The following SPIRE1 variants were observed in gnomAD, a reference collection of about 807,000 sequenced individuals.
SPIRE1 encodes the protein spire type actin nucleation factor 1.
Under a neutral mutation model 94.1 loss-of-function variants are expected in SPIRE1, and 40 were observed. That is an observed-to-expected ratio of 0.43 (90% CI 0.33 to 0.55). SPIRE1 has a LOEUF of 0.55. Ranked by LOEUF, SPIRE1 falls within the 20% of genes least tolerant of loss-of-function variation. The pLI is 0.06. For missense variants in SPIRE1, 838 were observed against 975.2 expected (o/e 0.86, Z 1.87); for synonymous variants, 376 against 371.7 (o/e 1.01, Z -0.13).
chr18:12,559,521 A>G lies in SPIRE1; in HGVS notation c.373-12617T>C, dbSNP rs1196163437. Among the ~76,000 whole-genome samples the G allele has an allele frequency of 6.6e-6, 1 of 152,194 alleles. No homozygotes were observed. The highest frequency in any genetic ancestry group is 1.5e-5 in the Non-Finnish European group (1 of 68,018). ...AGCCGGCTCCGGCTTTGGCCAGCCCAGAGAGGGGCTCCCACGGTGCAGCAG... is the reference window on the plus strand; with the variant it reads ...AGCCGGCTCCGGCTTTGGCCAGCCCGGAGAGGGGCTCCCACGGTGCAGCAG... On this transcript the variant is annotated intron_variant, in intron 2 of 16. Transcript: ENST00000409402. This position sits in a 1 kb window ranked among gnomAD's most constrained non-coding sequence, Gnocchi z 4.7.
intron 1 of SPIRE1, among the ~76,000 whole-genome samples, chr18:12,650,492 T>A (rs192557209): frequency 6.6e-6 from 1 of 151,892 alleles, no homozygotes; most frequent in African/African-American, 2.4e-5. Flanking sequence ...GGGTGGATCA[T>A]GAGGTCAGGA....
In SPIRE1 at chr18:12,452,271, G is replaced by A. The variant is rs774794185; in HGVS notation, c.1996C>T (p.Leu666Phe). The A allele has an allele frequency of 3.1e-6, 5 of 1,613,990 alleles. No homozygotes were observed. Among genetic ancestry groups the A allele is most frequent in the Non-Finnish European group, 4.2e-6 (5 of 1,179,992 alleles). ...CTTGCTCACCTGGCAATGCTCCGAAGTGGCCGATGATGGGCAGTGGAGGGT... is the reference window on the plus strand; with the variant it reads ...CTTGCTCACCTGGCAATGCTCCGAAATGGCCGATGATGGGCAGTGGAGGGT... ...EKPSTAHHRP[L>F]RSIARFSSKS... The change falls in exon 16 of 17, where the codon CTT becomes TTT. Residue 666 changes from leucine to phenylalanine, a missense_variant. Around this residue, in one of 2 missense-constraint regions of SPIRE1, gnomAD observed 645 missense variants for 804.7 expected, o/e 0.80. Transcript: ENST00000409402.
At chr18:12,549,851 T>C (rs723836) in intron 2 of SPIRE1, among the ~76,000 whole-genome samples, 81,268 of 151,718 alleles carry the variant, frequency 0.54, 23,018 homozygotes, top group Middle Eastern at 0.73. Flanking sequence ...ATTGCAAATA[T>C]CAACACCAGC....
intron 12 of SPIRE1, among the ~76,000 whole-genome samples, chr18:12,457,305 G>C (rs1568180901): frequency 2.6e-5 from 4 of 152,130 alleles, no homozygotes. Flanking sequence ...AAAAGAAAAT[G>C]ATAAATAGTT....
chr18:12,529,100 T>C (rs990410340), intron 4 of SPIRE1, among the ~76,000 whole-genome samples: 1 of 152,216 alleles, frequency 6.6e-6, no homozygotes, highest in Non-Finnish European at 1.5e-5. Flanking sequence ...CTGGGCACAG[T>C]GGCTCACGCC....
intron 10 of SPIRE1, among the ~76,000 whole-genome samples, chr18:12,466,341 A>ATCT (rs763014713): frequency 6.6e-6 from 1 of 151,892 alleles, no homozygotes; most frequent in Non-Finnish European, 1.5e-5. Flanking sequence ...CAGTGGCATG[A>ATCT]TCTCAGCTCA....
chr18:12,650,772 G>A (rs938559288), intron 1 of SPIRE1, among the ~76,000 whole-genome samples: 9 of 151,340 alleles, frequency 5.9e-5, no homozygotes, highest in South Asian at 2.1e-4. Flanking sequence ...CCAGCTACTC[G>A]GGAGGCTGAG....
At chr18:12,557,967 T>TCC (rs1212495237) in intron 2 of SPIRE1, among the ~76,000 whole-genome samples, 2 of 152,004 alleles carry the variant, frequency 1.3e-5, no homozygotes, top group African/African-American at 4.8e-5. Context: ...AAACTGGATA[T>TCC]CCACATGCAG....
chr18:12,579,846 C>T (rs1328620655), intron 2 of SPIRE1, among the ~76,000 whole-genome samples: 1 of 152,200 alleles, frequency 6.6e-6, no homozygotes, highest in East Asian at 1.9e-4. Flanking sequence ...TATCACTGTA[C>T]CTCACTCTAC....
chr18:12,642,583 T>G (rs919723632), intron 1 of SPIRE1, among the ~76,000 whole-genome samples: 1 of 152,238 alleles, frequency 6.6e-6, no homozygotes, highest in African/African-American at 2.4e-5. Context: ...AAGTTTCATC[T>G]CTAGTGCCAA....
chr18:12,535,228 T>G (rs1028073959), intron 4 of SPIRE1, among the ~76,000 whole-genome samples: 1 of 152,186 alleles, frequency 6.6e-6, no homozygotes, highest in African/African-American at 2.4e-5. Flanking sequence ...TTTATTTCCA[T>G]TTGCAAGGAA....
chr18:12,493,014 T>C (rs113703184), intron 8 of SPIRE1, 58 bp downstream of exon 8: 1 of 1,534,900 alleles, frequency 6.5e-7, no homozygotes, highest in East Asian at 2.3e-5. Flanking sequence ...GCTGGGTGTA[T>C]AAAGATCCTT....
Position 12,538,710 on chromosome 18 carries a change from C to T in SPIRE1, c.604-3109G>A, listed in dbSNP as rs77160963. ...TTTCCCCCCTTAATATAGGGTCTTG[C>T]TATGTTGCCCAAGCTGGTCTTGAAC... On this transcript the variant is annotated intron_variant, in intron 3 of 16. Transcript: ENST00000409402. 9.9e-3 allele frequency among the ~76,000 whole-genome samples: 1,512 copies of T among 152,130 alleles called. 33 individuals are homozygous for T. The highest frequency in any genetic ancestry group is 0.035 in the African/African-American group (1,464 of 41,486).
At chr18:12,510,781 C>T (rs939688085) in intron 5 of SPIRE1, among the ~76,000 whole-genome samples, 6 of 152,020 alleles carry the variant, frequency 3.9e-5, no homozygotes, top group Non-Finnish European at 7.4e-5. Context: ...TTCAGGTGAT[C>T]CGCCCACCTC....
In SPIRE1 at chr18:12,608,208, T is replaced by C. The variant is rs114920461; in HGVS notation, c.372+26854A>G. ...ACTCCATAAATATATCCACCTACTA[T>C]GTACCCCAAAAATTTTTTTTTAATT... On this transcript the variant is annotated intron_variant, in intron 2 of 16. Coordinates refer to ENST00000409402, the MANE Select transcript of SPIRE1 (RefSeq NM_001128626.2). Among the ~76,000 whole-genome samples, 391 of 151,976 alleles carry C rather than the reference T, an allele frequency of 2.6e-3. 1 individual carries two copies. Among genetic ancestry groups the C allele is most frequent in the African/African-American group, 9.0e-3 (375 of 41,450 alleles).
upstream of SPIRE1, among the ~76,000 whole-genome samples, chr18:12,659,062 CAG>C (rs1004513684): frequency 1.3e-5 from 2 of 152,144 alleles, no homozygotes; most frequent in Admixed American, 1.3e-4. Context: ...TGCAATAAAA[CAG>C]ATAATTCTTA....
At chr18:12,621,672 T>C (rs72879392) in intron 2 of SPIRE1, among the ~76,000 whole-genome samples, 4,876 of 152,214 alleles carry the variant, frequency 0.032, 149 homozygotes, top group East Asian at 0.094. Flanking sequence ...TCTATACATA[T>C]AGAAAGTAGA....
intron 1 of SPIRE1, among the ~76,000 whole-genome samples, chr18:12,646,055 G>C (rs1213318329): frequency 6.6e-6 from 1 of 152,214 alleles, no homozygotes; most frequent in African/African-American, 2.4e-5. Flanking sequence ...TGCGGTAACT[G>C]ATTAGCAGTT....
At chr18:12,512,371 A>C in intron 5 of SPIRE1, 83 bp downstream of exon 5, 1 of 962,300 alleles carries the variant, frequency 1.0e-6, no homozygotes, top group Non-Finnish European at 1.6e-6. Context: ...TGAGCAACAG[A>C]ATGAGACTCT....
Sources: allele counts gnomAD v4.1 joint callset (sites outside exome capture counted in the v4.1 genomes callset), GRCh38; gene constraint gnomAD v4.1.1; regional missense constraint gnomAD v4.1.1; non-coding constraint Gnocchi (gnomAD v3.1); transcripts MANE v1.5; gene names NCBI Gene and HGNC (gene_info 2026-07-23, HGNC 2026-07-21).